Variants in P3H2 observed in about 807,000 individuals in gnomAD.
P3H2 encodes the protein leprecan-like 1.
In P3H2, 80 loss-of-function variants were observed where a neutral mutation model predicts 87.0. That is an observed-to-expected ratio of 0.92 (90% CI 0.77 to 1.11). P3H2 has a LOEUF of 1.11. Among genes scored for constraint, P3H2 ranks in the 50% least tolerant of loss-of-function variants. P3H2 has a pLI of 0.00. For missense variants in P3H2, 1,001 were observed against 923.9 expected, an observed-to-expected ratio of 1.08 and a Z score of -1.08; for synonymous variants, 367 against 359.3, an observed-to-expected ratio of 1.02 and a Z score of -0.24.
At chr3:189,968,463 A>G (rs1180273431) in intron 13 of P3H2, among the ~76,000 whole-genome samples, 1 of 152,142 alleles carries the variant, frequency 6.6e-6, no homozygotes, top group Non-Finnish European at 1.5e-5. Context: ...CATGGTATAT[A>G]TCTGCTACAT....
At chr3:189,994,436 G>A (rs1451726131) in intron 2 of P3H2, among the ~76,000 whole-genome samples, 153 bp from the exon 3 acceptor site, 1 of 152,210 alleles carries the variant, frequency 6.6e-6, no homozygotes, top group Non-Finnish European at 1.5e-5. Context: ...AAGAAGGGTT[G>A]CACTGGGAGA....
intron 1 of P3H2, among the ~76,000 whole-genome samples, chr3:190,099,909 A>G (rs901147848): frequency 1.3e-5 from 2 of 152,142 alleles, no homozygotes; most frequent in African/African-American, 4.8e-5. Context: ...GAAAACTAAA[A>G]TATTTCTTCA....
chr3:190,063,354 C>G (rs1726392914), intron 1 of P3H2, among the ~76,000 whole-genome samples: 1 of 152,128 alleles, frequency 6.6e-6, no homozygotes, highest in Non-Finnish European at 1.5e-5. Flanking sequence ...CAGGCAAAAG[C>G]AAATGTTCTT....
At chr3:190,051,315 T>C (rs1485057403) in intron 1 of P3H2, among the ~76,000 whole-genome samples, 4 of 151,918 alleles carry the variant, frequency 2.6e-5, no homozygotes, top group African/African-American at 9.7e-5. Context: ...GTTTTTTCTC[T>C]ATAAAAAATG....
chr3:189,974,372 C>T (rs182076652), intron 9 of P3H2, among the ~76,000 whole-genome samples, 186 bp downstream of exon 9: 4 of 152,132 alleles, frequency 2.6e-5, no homozygotes, highest in Non-Finnish European at 5.9e-5. Flanking sequence ...AGATCCCACC[C>T]GGGAAAACTA....
chr3:190,001,035 G>A (rs1227502908), intron 1 of P3H2, among the ~76,000 whole-genome samples: 2 of 152,152 alleles, frequency 1.3e-5, no homozygotes, highest in East Asian at 3.9e-4. Context: ...TCCATTTCCT[G>A]CCTCGATTCC....
At chr3:190,001,456 C>T (rs536513522) in intron 1 of P3H2, among the ~76,000 whole-genome samples, 1 of 152,216 alleles carries the variant, frequency 6.6e-6, no homozygotes, top group East Asian at 1.9e-4. Flanking sequence ...CTTTCGTCAC[C>T]CTAACTTTGG....
Position 190,046,048 on chromosome 3 carries a change from G to A in P3H2, c.481-50606C>T, listed in dbSNP as rs1049230330. On this transcript the variant is annotated intron_variant, in intron 1 of 14. Transcript: ENST00000319332. The stretch of plus-strand genomic sequence containing the variant: ...TGAGGCAGGAGAATGGCGTGAACCC[G>A]GGAGGCAGAGCTTGCAGTGAGCTGA... Among the ~76,000 whole-genome samples the A allele has an allele frequency of 5.9e-5, 9 of 151,902 alleles. No homozygotes were observed. The East Asian group carries it at 7.8e-4, about 13-fold the overall frequency.
intron 1 of P3H2, among the ~76,000 whole-genome samples, chr3:190,058,595 G>C (rs1216292073): frequency 6.6e-6 from 1 of 152,110 alleles, no homozygotes; most frequent in East Asian, 1.9e-4. Context: ...ACTTAAAAGG[G>C]TAAAAAGACT....
At chr3:190,110,199 G>A (rs190089968) in intron 1 of P3H2, among the ~76,000 whole-genome samples, 51 of 152,108 alleles carry the variant, frequency 3.4e-4, no homozygotes, top group Non-Finnish European at 6.3e-4. Context: ...TTCTATCTGG[G>A]GTGATTTTGA....
At chr3:190,023,726 G>A (rs568306763) in intron 1 of P3H2, among the ~76,000 whole-genome samples, 17 of 152,092 alleles carry the variant, frequency 1.1e-4, no homozygotes, top group Non-Finnish European at 2.2e-4. Context: ...AAATTTGTTG[G>A]CAGTATTTAA....
intron 1 of P3H2, among the ~76,000 whole-genome samples, chr3:190,107,930 T>C (rs921707015): frequency 6.6e-6 from 1 of 152,132 alleles, no homozygotes; most frequent in African/African-American, 2.4e-5. Context: ...TTGTTTTTTA[T>C]TCCTTTTTTC....
At chr3:190,004,454 C>T (rs1408401054) in intron 1 of P3H2, among the ~76,000 whole-genome samples, 1 of 152,108 alleles carries the variant, frequency 6.6e-6, no homozygotes, top group African/African-American at 2.4e-5. Context: ...GGGATCTCGG[C>T]TCACTGCAAG....
chr3:189,996,771 TA>T (rs896905052), intron 1 of P3H2, among the ~76,000 whole-genome samples: 41 of 152,072 alleles, frequency 2.7e-4, no homozygotes, highest in Non-Finnish European at 4.9e-4. Flanking sequence ...ACAAAACTTT[TA>T]AAAAAATTAA....
intron 1 of P3H2, among the ~76,000 whole-genome samples, chr3:190,032,967 G>A (rs1301376140): frequency 1.3e-5 from 2 of 152,136 alleles, no homozygotes; most frequent in Non-Finnish European, 2.9e-5. Context: ...CCATAATGTA[G>A]AATCAGTGGG....
chr3:190,053,185 C>T (rs1726038446), intron 1 of P3H2, among the ~76,000 whole-genome samples: 1 of 152,106 alleles, frequency 6.6e-6, no homozygotes, highest in Admixed American at 6.6e-5. Flanking sequence ...TTAGCTATCA[C>T]AAATAAATTT....
intron 1 of P3H2, among the ~76,000 whole-genome samples, chr3:189,999,370 G>A (rs1461819839): frequency 1.3e-5 from 2 of 152,206 alleles, no homozygotes; most frequent in African/African-American, 2.4e-5. Flanking sequence ...ACCAGTTTAG[G>A]AAACTAGAAT....
chr3:189,977,076 G>A (rs549590740), intron 8 of P3H2, among the ~76,000 whole-genome samples: 3 of 152,106 alleles, frequency 2.0e-5, no homozygotes, highest in South Asian at 2.1e-4. Context: ...CTCCCTCCCC[G>A]ACTCCCCCAA....
At chr3:189,964,629 T>C (rs1436505874) in intron 13 of P3H2, among the ~76,000 whole-genome samples, 8 of 152,280 alleles carry the variant, frequency 5.3e-5, no homozygotes, top group Non-Finnish European at 1.2e-4. Flanking sequence ...CAAACATTTT[T>C]AAAAGTCATA....
Sources: allele counts gnomAD v4.1 joint callset (sites outside exome capture counted in the v4.1 genomes callset), GRCh38; gene constraint gnomAD v4.1.1; transcripts MANE v1.5; gene names NCBI Gene and HGNC (gene_info 2026-07-23, HGNC 2026-07-21).